The following KANSL3 variants were observed in gnomAD, a reference collection of about 807,000 sequenced individuals.
The protein encoded by KANSL3 is NSL complex protein NSL3.
Under a neutral mutation model 89.2 loss-of-function variants are expected in KANSL3, and 16 were observed. The ratio of observed to expected loss-of-function variants is 0.18; its 90% confidence interval spans 0.12 to 0.27. The LOEUF (loss-of-function observed/expected upper bound fraction) is 0.27. Ranked by LOEUF, KANSL3 falls within the 10% of genes least tolerant of loss-of-function variation. The pLI, the probability that KANSL3 is intolerant of heterozygous loss-of-function variation, is 1.00. For missense variants in KANSL3, 879 were observed against 1,110.6 expected, an observed-to-expected ratio of 0.79 and a Z score of 2.96; for synonymous variants, 385 against 419.7, an observed-to-expected ratio of 0.92 and a Z score of 1.01.
At chr2:96,601,957 A>G (rs910039459) in intron 19 of KANSL3, 159 bp downstream of exon 19, 40 of 1,196,256 alleles carry the variant, frequency 3.3e-5, no homozygotes, top group Non-Finnish European at 4.2e-5. Context: ...TGTTCTCTCA[A>G]CCTCTCTGGG....
Position 96,602,175 on chromosome 2 carries a change from C to G in KANSL3, c.2423G>C (p.Gly808Ala), listed in dbSNP as rs1163005706. 10 of 1,603,114 alleles carry G rather than the reference C, an allele frequency of 6.2e-6. No individual in the cohort carries two copies. The highest frequency in any genetic ancestry group is 8.5e-6 in the Non-Finnish European group (10 of 1,175,018). ...TAIHQLLTNG[G>A]LAKLASSLPG... ...GAGGCTGCTTGCCAACTTAGCGAGG[C>G]CCCCATTGGTCAGCAGCTGGTGGAT... The change falls in exon 19 of 21, where the codon GGC becomes GCC. Residue 808 changes from glycine (G) to alanine (A), a missense_variant. Physicochemically the swap from Gly to Ala is moderately conservative, Grantham distance 60. Around this residue, in one of 6 missense-constraint regions of KANSL3, gnomAD observed 89 missense variants for 139.7 expected, o/e 0.64. Transcript: ENST00000431828.
intron 20 of KANSL3, chr2:96,600,250 GA>G (rs912790706): frequency 6.3e-5 from 12 of 189,632 alleles, no homozygotes; most frequent in South Asian, 3.7e-4. Flanking sequence ...ACTTTGTGTA[GA>G]AAAAAAAATT....
rs371529777 is a variant in KANSL3 at position 96,610,747 on chromosome 2, C to G, written c.1298G>C (p.Gly433Ala). Residue 433 changes from glycine (G) to alanine (A), a missense_variant, in exon 11 of 21, where the codon GGG (glycine) becomes GCG (alanine). Physicochemically the swap from Gly to Ala is moderately conservative, Grantham distance 60. Coordinates refer to ENST00000431828, the MANE Select transcript of KANSL3 (RefSeq NM_001115016.3). ...IRAENSLVVV[G>A]GADDNLRISK... Reference sequence around the variant, plus strand: ...CCACCTGAGATTGTCATCAGCTCCCCCAACCACCACCAAGCTGTTCTCAGC... The same window carrying G: ...CCACCTGAGATTGTCATCAGCTCCCGCAACCACCACCAAGCTGTTCTCAGC... The G allele has an allele frequency of 6.2e-6, 10 of 1,613,842 alleles. No homozygotes were observed. In the African/African-American group the frequency reaches 1.1e-4, roughly 17 times the overall value.
At chr2:96,625,766 C>T (rs2072178355) in intron 3 of KANSL3, among the ~76,000 whole-genome samples, 1 of 152,060 alleles carries the variant, frequency 6.6e-6, no homozygotes, top group Non-Finnish European at 1.5e-5. Flanking sequence ...AACATGATCT[C>T]TATATTTTGT....
chr2:96,617,858 C>T (rs528194248), intron 5 of KANSL3, among the ~76,000 whole-genome samples: 4 of 151,890 alleles, frequency 2.6e-5, no homozygotes, highest in South Asian at 4.2e-4. Context: ...GGGTGGCACA[C>T]GCCTGTAGTC....
At position 96,636,936 on chromosome 2, in the gene KANSL3, T is replaced by G; in HGVS notation, c.200A>C (p.Gln67Pro). ...CCCAACTCACATGGTACTTTCGTGC[T>G]GCCGCCGGGGAGTGACAAAGAGCAT... ...TRMLFVTPRRQHESTIESDVP... is the reference protein window; with the variant it reads ...TRMLFVTPRRPHESTIESDVP... Residue 67 changes from glutamine to proline, a missense_variant, in exon 2 of 21, where the codon CAG becomes CCG. This residue lies in a region of KANSL3 where 210 missense variants were observed against 311.9 expected (regional missense o/e 0.67). Transcript: ENST00000431828. The G allele has an allele frequency of 4.6e-6, 7 of 1,533,682 alleles. No individual in the cohort carries two copies. The highest frequency in any genetic ancestry group is 6.2e-6 in the Non-Finnish European group (7 of 1,136,616).
In KANSL3 at chr2:96,595,481, G is replaced by C; in HGVS notation, c.*130C>G. ...GGTTTCTCTGAAGACAGTTGGCGGA[G>C]AGGCAAAAATGACTGTCTTAAACAG... On this transcript the variant is annotated 3_prime_UTR_variant, in exon 21 of 21. Transcript: ENST00000431828. The C allele has an allele frequency of 2.3e-6, 2 of 857,954 alleles. No homozygotes were observed. Among genetic ancestry groups the C allele is most frequent in the Non-Finnish European group, 3.6e-6 (2 of 552,818 alleles). The allele number at this position is 857,954 out of a possible 1,614,324, so 53.1% of individuals were successfully genotyped here.
At chr2:96,627,838 A>T in intron 3 of KANSL3, 3 of 1,086,118 alleles carry the variant, frequency 2.8e-6, no homozygotes, top group Non-Finnish European at 3.7e-6. Flanking sequence ...ATTCAGGGAC[A>T]GGGTCATAAA....
Position 96,595,384 on chromosome 2 carries a change from T to G in KANSL3, c.*227A>C. 1.9e-6 allele frequency: 1 copy of G among 519,048 alleles called. No homozygotes were observed. Among genetic ancestry groups the G allele is most frequent in the Non-Finnish European group, 3.5e-6 (1 of 288,592 alleles). 32.2% of individuals were successfully genotyped at this position (519,048 alleles called of 1,614,324 possible). Reference sequence around the variant, plus strand: ...GCCAGATCTGCTGAGGAGTCTGGGGTTCCCAGGAACCAGATTTGCAGATCC... The same window carrying G: ...GCCAGATCTGCTGAGGAGTCTGGGGGTCCCAGGAACCAGATTTGCAGATCC... On this transcript the variant is annotated 3_prime_UTR_variant, in exon 21 of 21. Coordinates refer to ENST00000431828, the MANE Select transcript of KANSL3 (RefSeq NM_001115016.3).
rs927514730 is a variant in KANSL3, at chr2:96,602,010, C to T, written c.2482+106G>A. 3.4e-5 allele frequency: 42 copies of T among 1,231,778 alleles called. No homozygotes were observed. In the African/African-American group the frequency reaches 6.4e-4, roughly 19 times the overall value. The allele number at this position is 1,231,778 out of a possible 1,614,324, so 76.3% of individuals were successfully genotyped here. A position where few individuals can be genotyped will look rare whatever the true frequency, so the allele number is the denominator to read the frequency against. ...TGAATCCAAAGGTCAATGCCAGGAC[C>T]CTGTGGGACTGGTTTCAACATCATA... On this transcript the variant is annotated intron_variant, in intron 19 of 20. Transcript: ENST00000431828.
chr2:96,619,312 G>C, intron 5 of KANSL3, 47 bp downstream of exon 5: 1 of 1,539,510 alleles, frequency 6.5e-7, no homozygotes, highest in African/African-American at 1.4e-5. Flanking sequence ...ACCCACAGGG[G>C]AGGATGGCTA....
Position 96,613,603 on chromosome 2 carries a change from T to C in KANSL3, c.680A>G (p.Asp227Gly), listed in dbSNP as rs2069405127. 1 of 1,612,630 alleles carries C rather than the reference T, an allele frequency of 6.2e-7. No homozygotes were observed. Reference sequence around the variant, plus strand: ...TGTGTTGGATGACACAAGCATCCGGTCAATCAAGGTTGGGATCTACAAAGA... The same window carrying C: ...TGTGTTGGATGACACAAGCATCCGGCCAATCAAGGTTGGGATCTACAAAGA... ...TLKGKIPTLI[D>G]RMLVSSNTKT... The change falls in exon 6 of 21, where the codon GAC (aspartate) becomes GGC (glycine). Residue 227 changes from aspartate to glycine, a missense_variant. Asp to Gly is a moderately conservative substitution (Grantham distance 94). Coordinates refer to ENST00000431828, the MANE Select transcript of KANSL3 (RefSeq NM_001115016.3).
intron 2 of KANSL3, chr2:96,636,662 T>C: frequency 2.5e-6 from 1 of 396,628 alleles, no homozygotes; most frequent in South Asian, 7.0e-5. Flanking sequence ...TTTTCCCCTT[T>C]CCACACGTCC....
chr2:96,635,717 G>A (rs1046997595), intron 2 of KANSL3, among the ~76,000 whole-genome samples: 8 of 152,156 alleles, frequency 5.3e-5, no homozygotes, highest in African/African-American at 7.2e-5. Flanking sequence ...GGTCAGGAGC[G>A]GTGGCTCATG....
At chr2:96,618,396 C>T (rs2070626141) in intron 5 of KANSL3, among the ~76,000 whole-genome samples, 1 of 152,164 alleles carries the variant, frequency 6.6e-6, no homozygotes, top group Admixed American at 6.5e-5. Flanking sequence ...TGCTATGTTG[C>T]TCAGGCTGGT....
At chr2:96,588,836 T>C (rs1039845272), downstream of KANSL3, among the ~76,000 whole-genome samples, 1 of 152,174 alleles carries the variant, frequency 6.6e-6, no homozygotes, top group Admixed American at 6.5e-5. Context: ...TCAAGTGATC[T>C]GCCTGCCTTG....
chr2:96,610,885 TA>T lies in KANSL3; in HGVS notation c.1162-3del. 6.2e-7 allele frequency: 1 copy of T among 1,613,652 alleles called. No individual in the cohort carries two copies. Among genetic ancestry groups the T allele is most frequent in the Non-Finnish European group, 8.5e-7 (1 of 1,179,594 alleles). ...ATCCAAGAGGGGATCATCTACATCC[TA>T]AAACAGGTATAGGTTTTAGAATCGG... On this transcript the variant is annotated splice_region_variant and splice_polypyrimidine_tract_variant and intron_variant, in intron 10 of 20. Coordinates refer to ENST00000431828, the MANE Select transcript of KANSL3 (RefSeq NM_001115016.3).
intron 5 of KANSL3, among the ~76,000 whole-genome samples, chr2:96,615,695 CAG>C (rs1270953779): frequency 1.3e-5 from 2 of 152,164 alleles, no homozygotes; most frequent in Non-Finnish European, 2.9e-5. Context: ...AATTTAAAAA[CAG>C]GGACACTAAA....
intron 14 of KANSL3, 43 bp from the exon 15 acceptor site, chr2:96,605,554 A>C (rs1207686350): frequency 6.5e-7 from 1 of 1,527,130 alleles, no homozygotes; most frequent in Admixed American, 1.7e-5. Context: ...AATCCAAAAA[A>C]TCCCAACAGA....
Sources: gnomAD v4.1 joint callset for allele counts (sites outside exome capture counted in the v4.1 genomes callset) on GRCh38, gnomAD v4.1.1 for gene constraint, gnomAD v4.1.1 regional missense constraint, MANE v1.5 for transcripts, NCBI Gene and HGNC (gene_info 2026-07-23, HGNC 2026-07-21) for gene names.